The following ASIC2 variants were observed in gnomAD, a reference collection of about 807,000 sequenced individuals.
ASIC2 encodes the protein acid-sensing ion channel 2.
A neutral mutation model predicts 57.3 loss-of-function variants in ASIC2; 25 were observed. That is an observed-to-expected ratio of 0.44 (90% CI 0.32 to 0.61). The LOEUF is 0.61. ASIC2 is among the 20% of genes least tolerant of loss of function. The pLI is 0.06. For missense variants in ASIC2, 641 were observed against 738.1 expected (o/e 0.87, Z 1.52); for synonymous variants, 319 against 307.5 (o/e 1.04, Z -0.39).
At chr17:33,651,123 G>A (rs998070798) in intron 1 of ASIC2, among the ~76,000 whole-genome samples, 1 of 152,038 alleles carries the variant, frequency 6.6e-6, no homozygotes, top group African/African-American at 2.4e-5. Flanking sequence ...ACAAAATTTT[G>A]TAGAAACACA....
chr17:33,904,384 C>A (rs1915301954), intron 1 of ASIC2, among the ~76,000 whole-genome samples: 1 of 152,046 alleles, frequency 6.6e-6, no homozygotes, highest in Non-Finnish European at 1.5e-5. Flanking sequence ...TTGAGTAGCA[C>A]CGGTGTTAAG....
intron 1 of ASIC2, chr17:33,112,722 T>C (rs1033825509): frequency 6.6e-6 from 1 of 152,206 alleles, no homozygotes; most frequent in African/African-American, 2.4e-5. Context: ...TCCTTACTGC[T>C]GAAATTTAGG....
At chr17:33,729,711 G>A (rs1393736829) in intron 1 of ASIC2, among the ~76,000 whole-genome samples, 2 of 152,148 alleles carry the variant, frequency 1.3e-5, no homozygotes, top group African/African-American at 4.8e-5. Context: ...CCCTCACAGG[G>A]TTGCAGTGAG....
chr17:33,241,742 A>T (rs1462996692), intron 1 of ASIC2, among the ~76,000 whole-genome samples: 1 of 152,170 alleles, frequency 6.6e-6, no homozygotes, highest in Non-Finnish European at 1.5e-5. Context: ...CCATGCACAC[A>T]GATTGTGCCT....
intron 1 of ASIC2, among the ~76,000 whole-genome samples, chr17:33,262,490 A>G (rs1233599161): frequency 7.2e-5 from 11 of 152,082 alleles, no homozygotes. Context: ...AAGGAAGGGA[A>G]GGATGAATAT....
chr17:33,467,944 C>T (rs1284047992), intron 1 of ASIC2, among the ~76,000 whole-genome samples: 1 of 152,350 alleles, frequency 6.6e-6, no homozygotes, highest in East Asian at 1.9e-4. Flanking sequence ...GAATAAATCT[C>T]TTCAAATATT....
At position 33,546,203 on chromosome 17, in the gene ASIC2, A is replaced by G. The variant is rs188814754; in HGVS notation, c.556-434136T>C. 3.8e-3 allele frequency among the ~76,000 whole-genome samples: 582 copies of G among 151,310 alleles called. 3 individuals are homozygous for G. The highest frequency in any genetic ancestry group is 5.7e-3 in the Admixed American group (87 of 15,142). On this transcript the variant is annotated intron_variant, in intron 1 of 9. Coordinates refer to the ASIC2 transcript ENST00000359872. Reference sequence around the variant, plus strand: ...TATATATACATATGTATATGTATATATATGTAGACACACACATATGCACAA... The same window carrying G: ...TATATATACATATGTATATGTATATGTATGTAGACACACACATATGCACAA...
At chr17:33,564,076 G>A (rs1218582397) in intron 1 of ASIC2, among the ~76,000 whole-genome samples, 2 of 152,156 alleles carry the variant, frequency 1.3e-5, no homozygotes, top group African/African-American at 4.8e-5. Flanking sequence ...GAGGAGCACC[G>A]CGGCAGCCCC....
intron 1 of ASIC2, among the ~76,000 whole-genome samples, chr17:34,032,312 T>C (rs564633127): frequency 6.8e-4 from 103 of 152,280 alleles, no homozygotes; most frequent in African/African-American, 2.4e-3. Context: ...AAGCAAATGC[T>C]GAGAGATTTT....
At chr17:33,314,866 TTTC>T (rs1195015622) in intron 1 of ASIC2, among the ~76,000 whole-genome samples, 2 of 152,160 alleles carry the variant, frequency 1.3e-5, no homozygotes, top group African/African-American at 2.4e-5. Flanking sequence ...GACCTTTCTT[TTTC>T]TTCTTCTTCT....
chr17:33,708,943 G>T (rs1275448031), intron 1 of ASIC2, among the ~76,000 whole-genome samples: 1 of 152,142 alleles, frequency 6.6e-6, no homozygotes, highest in African/African-American at 2.4e-5. Context: ...TTGGCTTGCT[G>T]CCTTGAGCCT....
chr17:33,156,241 C>T (rs1904999392), intron 1 of ASIC2, among the ~76,000 whole-genome samples: 1 of 151,754 alleles, frequency 6.6e-6, no homozygotes, highest in African/African-American at 2.4e-5. Context: ...GATTCTCCTG[C>T]CTCAGCCTCC....
chr17:33,324,838 T>C (rs1907006377), intron 1 of ASIC2, among the ~76,000 whole-genome samples: 1 of 152,200 alleles, frequency 6.6e-6, no homozygotes, highest in Non-Finnish European at 1.5e-5. Flanking sequence ...TCCTACAGAC[T>C]TCCAGCCTGC....
At chr17:33,569,840 T>C (rs963293222) in intron 1 of ASIC2, among the ~76,000 whole-genome samples, 12 of 152,230 alleles carry the variant, frequency 7.9e-5, no homozygotes, top group African/African-American at 2.9e-4. Context: ...CTGGCTGTCA[T>C]GTGTCGCATG....
chr17:33,674,825 G>A (rs3115685), intron 1 of ASIC2, among the ~76,000 whole-genome samples: 26,769 of 152,078 alleles, frequency 0.18, 2,451 homozygotes, highest in African/African-American at 0.22. Flanking sequence ...AGCACAAAGA[G>A]CTCAGAAGTC....
chr17:34,125,852 G>T (rs1911765219), intron 1 of ASIC2, among the ~76,000 whole-genome samples: 2 of 152,166 alleles, frequency 1.3e-5, no homozygotes, highest in African/African-American at 4.8e-5. Context: ...ATCCAGGTAC[G>T]AGCTCAGATA....
At chr17:33,065,317 C>T in intron 3 of ASIC2, among the ~76,000 whole-genome samples, 1 of 151,830 alleles carries the variant, frequency 6.6e-6, no homozygotes, top group Non-Finnish European at 1.5e-5. Context: ...GCTGGGACTA[C>T]AGCTGCTCAG....
Position 33,610,054 on chromosome 17 carries a change from G to GCGCGCACACACACA in ASIC2, c.556-497988_556-497987insTGTGTGTGTGCGCG, listed in dbSNP as rs375575593. On this transcript the variant is annotated intron_variant, in intron 1 of 9. Transcript: ENST00000359872. ...CTTCACTGGGACCCTGGACAGAGGCGCACACACACACACACACACACACAC... is the reference window on the plus strand; with the variant it reads ...CTTCACTGGGACCCTGGACAGAGGCGCGCGCACACACACACACACACACACACACACACACACAC... Among the ~76,000 whole-genome samples, 391 of 144,840 alleles carry GCGCGCACACACACA rather than the reference G, an allele frequency of 2.7e-3. 3 individuals are homozygous for GCGCGCACACACACA. The highest frequency in any genetic ancestry group is 9.1e-3 in the African/African-American group (351 of 38,430).
intron 1 of ASIC2, among the ~76,000 whole-genome samples, chr17:33,364,410 T>C (rs1908727188): frequency 6.6e-6 from 1 of 152,228 alleles, no homozygotes; most frequent in East Asian, 1.9e-4. Flanking sequence ...TCTTGGTGTC[T>C]GACATGGTTT....
Sources: allele counts gnomAD v4.1 joint callset (sites outside exome capture counted in the v4.1 genomes callset), GRCh38; gene constraint gnomAD v4.1.1; transcripts MANE v1.5; gene names NCBI Gene and HGNC (gene_info 2026-07-23, HGNC 2026-07-21).